ZNF229: variants seen among roughly 807,000 people sequenced by gnomAD.
The protein encoded by ZNF229 is zinc finger protein 229.
ZNF229 carries 10 observed loss-of-function variants against 11.8 expected under a neutral mutation model. The observed-to-expected ratio is 0.85, with a 90% CI of 0.52 to 1.44. The LOEUF (loss-of-function observed/expected upper bound fraction) is 1.44, where lower values mean the gene tolerates loss of function less well. Among genes scored for constraint, ZNF229 ranks in the 40% most tolerant of loss-of-function variants. ZNF229 has a pLI of 0.00. For missense variants in ZNF229, 1,045 were observed against 1,015.1 expected, an observed-to-expected ratio of 1.03 and a Z score of -0.40; for synonymous variants, 368 against 374.8, an observed-to-expected ratio of 0.98 and a Z score of 0.21.
chr19:44,447,210 G>C (rs1972017618), intron 2 of ZNF229, among the ~76,000 whole-genome samples: 1 of 152,086 alleles, frequency 6.6e-6, no homozygotes, highest in Admixed American at 6.5e-5. Context: ...ATAATACCTG[G>C]CATATAGTAA....
chr19:44,433,556 C>T (rs1971761397), intron 4 of ZNF229, among the ~76,000 whole-genome samples: 3 of 151,984 alleles, frequency 2.0e-5, no homozygotes, highest in Middle Eastern at 3.4e-3. Flanking sequence ...TACCCCCGCC[C>T]CCCAACTCTC....
chr19:44,433,959 G>T (rs991399511), intron 4 of ZNF229, among the ~76,000 whole-genome samples: 2 of 152,080 alleles, frequency 1.3e-5, no homozygotes, highest in Non-Finnish European at 2.9e-5. Flanking sequence ...AATACAGACA[G>T]GGTTTCACCA....
intron 2 of ZNF229, among the ~76,000 whole-genome samples, chr19:44,445,642 C>G (rs1971990605): frequency 6.6e-6 from 1 of 152,158 alleles, no homozygotes; most frequent in African/African-American, 2.4e-5. Context: ...AATTGGCAAA[C>G]CAGCACTTCC....
In ZNF229 at chr19:44,448,298, C is replaced by T. The variant is rs1972037856; in HGVS notation, c.-266+11G>A. On this transcript the variant is annotated intron_variant, in intron 1 of 5. Coordinates refer to ENST00000614049, the MANE Select transcript of ZNF229 (RefSeq NM_014518.4). ...GTTCGATACGTGCGCCTCCTTACAC[C>T]CCTGCCTCACCAGGCCGAGCTCATG... is the stretch of plus-strand genomic sequence containing the variant. 6.6e-6 allele frequency: 1 copy of T among 152,324 alleles called. No homozygotes were observed. Among genetic ancestry groups the T allele is most frequent in the Non-Finnish European group, 1.5e-5 (1 of 68,128 alleles). The allele number at this position is 152,324 out of a possible 1,614,324, so 9.4% of individuals were successfully genotyped here.
rs765169495 is a variant in ZNF229 at position 44,429,495 on chromosome 19, CCT to C, written c.1284_1285del (p.Lys431AlafsTer61). On this transcript the variant is annotated frameshift_variant, in exon 6 of 6. Coordinates refer to ENST00000614049, the MANE Select transcript of ZNF229 (RefSeq NM_014518.4). LOFTEE classifies it low-confidence loss of function (END_TRUNC). ...CTCGCTGCAGGTGTAGGGCTTCTCC[CCT>C]GTGTGCAGCCTCTGATGGACTTGAA... is the stretch of plus-strand genomic sequence containing the variant. The C allele has an allele frequency of 4.3e-5, 69 of 1,612,100 alleles. No homozygotes were observed. Among genetic ancestry groups the C allele is most frequent in the African/African-American group, 2.0e-4 (15 of 74,722 alleles).
At chr19:44,440,345 T>TA (rs1291420966) in intron 4 of ZNF229, among the ~76,000 whole-genome samples, 2 of 150,284 alleles carry the variant, frequency 1.3e-5, no homozygotes, top group East Asian at 3.9e-4. Context: ...AAAGAGAAAA[T>TA]AAAGTGAAAG....
chr19:44,444,995 T>C (rs1971979384), intron 2 of ZNF229, among the ~76,000 whole-genome samples: 2 of 152,340 alleles, frequency 1.3e-5, no homozygotes, highest in East Asian at 3.9e-4. Context: ...GATGACTCCA[T>C]GGCAACCTGC....
At position 44,428,802 on chromosome 19, in the gene ZNF229, T is replaced by C. The variant is rs772105436; in HGVS notation, c.1979A>G (p.Glu660Gly). The C allele has an allele frequency of 2.5e-5, 41 of 1,613,248 alleles. 1 individual carries two copies. The highest frequency in any genetic ancestry group is 3.4e-5 in the Non-Finnish European group (40 of 1,179,532). ...TGTGCACCTAAAGCCCTTTCCGCAC[T>C]CTTGGCATCTGTAAGGTTTCTCGCC... The part of the protein sequence containing the change: ...HTGEKPYRCQ[E>G]CGKGFRCTSS... The change falls in exon 6 of 6, where the codon GAG becomes GGG. Residue 660 changes from glutamate (E) to glycine (G), a missense_variant. Transcript: ENST00000614049.
Position 44,429,917 on chromosome 19 carries a change from C to A in ZNF229, c.864G>T (p.Leu288Phe). 1 of 1,614,062 alleles carries A rather than the reference C, an allele frequency of 6.2e-7. No homozygotes were observed. Among genetic ancestry groups the A allele is most frequent in the Non-Finnish European group, 8.5e-7 (1 of 1,180,002 alleles). ...CATCATATTGACAGAGTTTCTCTTTCAAAGGTACTCTTGGATGCGGGGGAA... is the reference window on the plus strand; with the variant it reads ...CATCATATTGACAGAGTTTCTCTTTAAAAGGTACTCTTGGATGCGGGGGAA... ...ADLPPHPRVP[L>F]KEKLCQYDEF... The change falls in exon 6 of 6, where the codon TTG (leucine) becomes TTT (phenylalanine). Residue 288 changes from leucine to phenylalanine, a missense_variant. Transcript: ENST00000614049.
intron 4 of ZNF229, among the ~76,000 whole-genome samples, chr19:44,436,489 T>C (rs1305939408): frequency 6.6e-6 from 1 of 152,068 alleles, no homozygotes; most frequent in East Asian, 1.9e-4. Flanking sequence ...ATTTCAAAAG[T>C]AGGTGTTTAA....
At position 44,441,741 on chromosome 19, in the gene ZNF229, T is replaced by C. The variant is rs140798735; in HGVS notation, c.93+822A>G. ...ATACACATTTGGCTGTTATGAATGA[T>C]GCTGCAATTATCATTCTTTGCACAT... On this transcript the variant is annotated intron_variant, in intron 4 of 5. Transcript: ENST00000614049. Among the ~76,000 whole-genome samples, 3 of 152,344 alleles carry C rather than the reference T, an allele frequency of 2.0e-5. No homozygotes were observed. The East Asian group carries it at 5.8e-4, about 29-fold the overall frequency.
chr19:44,440,908 A>G (rs2037904), intron 4 of ZNF229, among the ~76,000 whole-genome samples: 42,209 of 151,736 alleles, frequency 0.28, 7,290 homozygotes, highest in South Asian at 0.48. Flanking sequence ...GTATTTTTGT[A>G]GAGACAAGAT....
At chr19:44,438,549 C>T (rs1212791075) in intron 4 of ZNF229, among the ~76,000 whole-genome samples, 2 of 152,108 alleles carry the variant, frequency 1.3e-5, no homozygotes, top group Non-Finnish European at 2.9e-5. Flanking sequence ...GAAACTCCAC[C>T]GTGATGTCTT....
intron 2 of ZNF229, among the ~76,000 whole-genome samples, chr19:44,443,423 A>T (rs916022204): frequency 1.3e-5 from 2 of 152,218 alleles, no homozygotes; most frequent in Non-Finnish European, 2.9e-5. Flanking sequence ...AGAAATCAGG[A>T]TATAGATTAG....
intron 4 of ZNF229, among the ~76,000 whole-genome samples, chr19:44,436,205 T>C (rs1056106704): frequency 6.6e-6 from 1 of 152,010 alleles, no homozygotes; most frequent in African/African-American, 2.4e-5. Flanking sequence ...AGACCCCATA[T>C]CTACAAAAAA....
At chr19:44,438,462 T>C (rs1211758672) in intron 4 of ZNF229, among the ~76,000 whole-genome samples, 1 of 152,192 alleles carries the variant, frequency 6.6e-6, no homozygotes, top group Non-Finnish European at 1.5e-5. Context: ...AATAATATAT[T>C]AACAGTTTAC....
At position 44,442,890 on chromosome 19, in the gene ZNF229, T is replaced by C. The variant is rs1441108753; in HGVS notation, c.-43A>G. On this transcript the variant is annotated 5_prime_UTR_variant, in exon 3 of 6. Coordinates refer to ENST00000614049, the MANE Select transcript of ZNF229 (RefSeq NM_014518.4). ...TCTCTGCGAGCAGCAGCAACTGTATTTATTCTCTGGTTTTCCTAAGCTGGA... is the reference window on the plus strand; with the variant it reads ...TCTCTGCGAGCAGCAGCAACTGTATCTATTCTCTGGTTTTCCTAAGCTGGA... 2 of 1,611,282 alleles carry C rather than the reference T, an allele frequency of 1.2e-6. No homozygotes were observed. Among genetic ancestry groups the C allele is most frequent in the Non-Finnish European group, 1.7e-6 (2 of 1,177,764 alleles).
intron 4 of ZNF229, among the ~76,000 whole-genome samples, chr19:44,434,050 A>G (rs1444293243): frequency 6.6e-6 from 1 of 152,186 alleles, no homozygotes; most frequent in African/African-American, 2.4e-5. Flanking sequence ...ATGGCCTAAC[A>G]CACCTAGCCC....
In ZNF229 at chr19:44,429,647, T is replaced by C. The variant is rs1971671440; in HGVS notation, c.1134A>G (p.Lys378=). 2 of 1,613,962 alleles carry C rather than the reference T, an allele frequency of 1.2e-6. No homozygotes were observed. The highest frequency in any genetic ancestry group is 2.2e-5 in the East Asian group (1 of 44,898). Residue 378 remains lysine, a synonymous_variant, in exon 6 of 6, where the codon AAA becomes AAG. Coordinates refer to ENST00000614049, the MANE Select transcript of ZNF229 (RefSeq NM_014518.4). ...CAAATGCCTTCCCACACTCCTCACA[T>C]TTATAGGGTCTCCTTCCTGTGTGCA... ...QGVHTGRRPY[K]CEECGKAFGR... is the part of the protein sequence containing the mutation.
Sources: gnomAD v4.1 joint callset for allele counts (sites outside exome capture counted in the v4.1 genomes callset) on GRCh38, gnomAD v4.1.1 for gene constraint, MANE v1.5 for transcripts, NCBI Gene and HGNC (gene_info 2026-07-23, HGNC 2026-07-21) for gene names.